The following RARB variants were observed in gnomAD, a reference collection of about 807,000 sequenced individuals.
The protein encoded by RARB is HBV-activated protein.
RARB carries 17 observed loss-of-function variants against 51.9 expected under a neutral mutation model. The ratio of observed to expected loss-of-function variants is 0.33; its 90% CI spans 0.22 to 0.49. The LOEUF (loss-of-function observed/expected upper bound fraction) is 0.49, where lower values mean the gene tolerates loss of function less well. RARB is among the 20% of genes least tolerant of loss of function. The pLI is 0.99. For synonymous variants in RARB, 215 were observed against 195.4 expected (o/e 1.10, Z -0.84); for missense variants, 369 against 550.8 (o/e 0.67, Z 3.30).
At position 25,283,438 on chromosome 3, in the gene RARB, C is replaced by A. The variant is rs925550448; in HGVS notation, c.178+108863C>A. Among the ~76,000 whole-genome samples, 19 of 152,294 alleles carry A rather than the reference C, an allele frequency of 1.2e-4. No individual in the cohort carries two copies. In the East Asian group the frequency reaches 3.5e-3, roughly 28 times the overall value. On this transcript the variant is annotated intron_variant, in intron 5 of 11. Coordinates refer to the RARB transcript ENST00000383772. Reference sequence around the variant, plus strand: ...CTTCCTTCTCTATCTCGGGCCTGACCCCAAGTGGAAATTCTTCAGTTCCTC... The same window carrying A: ...CTTCCTTCTCTATCTCGGGCCTGACACCAAGTGGAAATTCTTCAGTTCCTC...
At chr3:25,501,068 T>C (rs1697286845) in intron 2 of RARB, 114 bp from the exon 3 acceptor site, 1 of 1,250,606 alleles carries the variant, frequency 8.0e-7, no homozygotes, top group Non-Finnish European at 1.1e-6. Context: ...ACTTTTCTGC[T>C]GCCATCACTT....
At chr3:24,831,826 A>G (rs528087631) in intron 1 of RARB, among the ~76,000 whole-genome samples, 1 of 152,276 alleles carries the variant, frequency 6.6e-6, no homozygotes, top group African/African-American at 2.4e-5. Context: ...CAGACCCTAA[A>G]CTTCTTTGCT....
intron 5 of RARB, among the ~76,000 whole-genome samples, chr3:25,203,763 A>C (rs1033755022): frequency 2.0e-5 from 3 of 152,004 alleles, no homozygotes; most frequent in Admixed American, 1.3e-4. Flanking sequence ...ATTGGCCCCC[A>C]CTCTCTTCTG....
chr3:25,053,924 CAT>C (rs997190296), intron 2 of RARB, among the ~76,000 whole-genome samples: 7 of 152,160 alleles, frequency 4.6e-5, no homozygotes, highest in African/African-American at 1.7e-4. Flanking sequence ...TGGAAAGGAA[CAT>C]ATGAAATCAC....
chr3:24,951,669 C>T (rs1695895316), intron 2 of RARB, among the ~76,000 whole-genome samples: 1 of 152,118 alleles, frequency 6.6e-6, no homozygotes, highest in Non-Finnish European at 1.5e-5. Flanking sequence ...AAGGATGTGT[C>T]TATAGATATT....
chr3:25,582,097 A>G (rs1177331010), intron 5 of RARB, among the ~76,000 whole-genome samples: 1 of 152,198 alleles, frequency 6.6e-6, no homozygotes, highest in Admixed American at 6.5e-5. Context: ...GCCCTTAGGG[A>G]TAGCAGAGAT....
chr3:25,489,396 C>T (rs11705839), intron 2 of RARB, among the ~76,000 whole-genome samples: 70,759 of 152,194 alleles, frequency 0.46, 18,233 homozygotes, highest in South Asian at 0.64. Flanking sequence ...TAACTTCCTT[C>T]TTCCTTTCCT....
chr3:24,854,820 G>A (rs9310760), intron 1 of RARB, among the ~76,000 whole-genome samples: 152 of 152,286 alleles, frequency 1.0e-3, no homozygotes, highest in African/African-American at 3.5e-3. Context: ...TTCCCTGGGG[G>A]CAAAATCATC....
chr3:25,319,406 G>A (rs1385109700), intron 5 of RARB, among the ~76,000 whole-genome samples: 1 of 152,196 alleles, frequency 6.6e-6, no homozygotes, highest in Non-Finnish European at 1.5e-5. Flanking sequence ...TGTTGAGACA[G>A]GGTGAGGGGG....
chr3:24,930,259 C>G (rs1279949571), intron 2 of RARB, among the ~76,000 whole-genome samples: 1 of 152,048 alleles, frequency 6.6e-6, no homozygotes, highest in Non-Finnish European at 1.5e-5. Flanking sequence ...GGCTGCTTTT[C>G]AGGAGTCTTA....
chr3:25,479,129 A>T (rs1696103503), intron 2 of RARB, among the ~76,000 whole-genome samples: 1 of 148,062 alleles, frequency 6.8e-6, no homozygotes, highest in Non-Finnish European at 1.5e-5. Context: ...GGGCTGTTTT[A>T]AAAATGTTGT....
chr3:25,595,777 G>C (rs1701794109), intron 7 of RARB, among the ~76,000 whole-genome samples: 1 of 152,206 alleles, frequency 6.6e-6, no homozygotes, highest in Admixed American at 6.5e-5. Flanking sequence ...GTACTGGACA[G>C]AGTGCTGCTA....
chr3:25,443,505 A>C (rs1708792276), intron 1 of RARB, among the ~76,000 whole-genome samples: 1 of 149,384 alleles, frequency 6.7e-6, no homozygotes, highest in Non-Finnish European at 1.5e-5. Context: ...TCAGCTACTC[A>C]GGAGGCTGAG....
In RARB at chr3:24,975,244, C is replaced by G. The variant is rs181490841; in HGVS notation, c.-379-84881C>G. Among the ~76,000 whole-genome samples, 65 of 152,208 alleles carry G rather than the reference C, an allele frequency of 4.3e-4. 1 individual carries two copies. In the East Asian group the frequency reaches 0.01, roughly 24 times the overall value. On this transcript the variant is annotated intron_variant, in intron 2 of 11. Transcript: ENST00000383772. ...TGCTGATAATTCTAATTCTATCTCCCTAATGTTAGTTGCTCAATAAATGAT... is the reference window on the plus strand; with the variant it reads ...TGCTGATAATTCTAATTCTATCTCCGTAATGTTAGTTGCTCAATAAATGAT...
intron 2 of RARB, among the ~76,000 whole-genome samples, chr3:25,471,386 ACCTCAAGACAG>A (rs763211279): frequency 1.3e-5 from 2 of 152,254 alleles, no homozygotes; most frequent in African/African-American, 2.4e-5. Context: ...ATATCGAGGA[ACCTCAAGACAG>A]CTGAAATGAC....
At chr3:24,868,754 A>T (rs1702895776) in intron 2 of RARB, among the ~76,000 whole-genome samples, 2 of 152,200 alleles carry the variant, frequency 1.3e-5, no homozygotes. Flanking sequence ...CCGTTATCTT[A>T]ACCCAGACAT....
chr3:25,153,700 A>G (rs890406188), intron 4 of RARB, among the ~76,000 whole-genome samples: 1 of 152,218 alleles, frequency 6.6e-6, no homozygotes, highest in African/African-American at 2.4e-5. Flanking sequence ...AATGCATATT[A>G]TGTACTCACT....
At chr3:25,290,071 C>T (rs1703748696) in intron 5 of RARB, among the ~76,000 whole-genome samples, 1 of 152,138 alleles carries the variant, frequency 6.6e-6, no homozygotes. Flanking sequence ...CTAGAGAATG[C>T]TCCCCTTTTC....
intron 5 of RARB, among the ~76,000 whole-genome samples, chr3:25,282,641 C>T (rs6766784): frequency 6.6e-6 from 1 of 152,002 alleles, no homozygotes; most frequent in African/African-American, 2.4e-5. Flanking sequence ...GAGTGGATCA[C>T]GCGCTCACAG....
Sources: gnomAD v4.1 joint callset for allele counts (sites outside exome capture counted in the v4.1 genomes callset) on GRCh38, gnomAD v4.1.1 for gene constraint, MANE v1.5 for transcripts, NCBI Gene and HGNC (gene_info 2026-07-23, HGNC 2026-07-21) for gene names.